The following ALDH2 variants were observed in gnomAD, a reference collection of about 807,000 sequenced individuals.
The protein encoded by ALDH2 is aldehyde dehydrogenase, mitochondrial.
A neutral mutation model predicts 59.6 loss-of-function variants in ALDH2; 44 were observed. The observed-to-expected ratio is 0.74, with a 90% CI of 0.58 to 0.95. The LOEUF (loss-of-function observed/expected upper bound fraction) is 0.95, where lower values mean the gene tolerates loss of function less well. Among genes scored for constraint, ALDH2 ranks in the 40% least tolerant of loss-of-function variants. The pLI, the probability that ALDH2 is intolerant of heterozygous loss-of-function variation, is 0.00. For missense variants in ALDH2, 570 were observed against 696.3 expected (o/e 0.82, Z 2.04); for synonymous variants, 291 against 284.0 (o/e 1.02, Z -0.25).
In ALDH2 at chr12:111,789,889, C is replaced by T. The variant is rs747670612; in HGVS notation, c.507C>T (p.Ser169=). Residue 169 remains serine, a synonymous_variant, in exon 5 of 13, where the codon AGC becomes AGT. Transcript: ENST00000261733. ...KTIPIDGDFF[S]YTRHEPVGVC... ...TCCCCATTGACGGAGACTTCTTCAG[C>T]TACACACGCCATGAACCTGTGGGGG... 1 of 1,614,224 alleles carries T rather than the reference C, an allele frequency of 6.2e-7. No individual in the cohort carries two copies. The highest frequency in any genetic ancestry group is 8.5e-7 in the Non-Finnish European group (1 of 1,180,048).
chr12:111,773,164 C>T (rs1341954376), intron 1 of ALDH2, among the ~76,000 whole-genome samples: 6 of 152,070 alleles, frequency 3.9e-5, no homozygotes, highest in Non-Finnish European at 7.4e-5. Context: ...ACAGGAGAAA[C>T]GCTTGAACCC....
intron 9 of ALDH2, among the ~76,000 whole-genome samples, chr12:111,794,330 G>A (rs187025036): frequency 3.4e-4 from 52 of 151,394 alleles, no homozygotes; most frequent in East Asian, 3.3e-3. Context: ...TCTTTTTATT[G>A]TCTCTATAGT....
chr12:111,790,556 C>G lies in ALDH2; in HGVS notation c.675C>G (p.Ile225Met), dbSNP rs777018900. ...PLTALYVANL[I>M]KEAGFPPGVV... ...CCGCCCTCTATGTGGCCAACCTGAT[C>G]AAGGAGGTGCGTGGCTTATCCTGGT... The change falls in exon 6 of 13, where the codon ATC becomes ATG. Residue 225 changes from isoleucine (I) to methionine (M), a missense_variant. By Grantham distance (10) the Ile-to-Met change is conservative. Transcript: ENST00000261733. The G allele has an allele frequency of 6.2e-7, 1 of 1,614,116 alleles. No homozygotes were observed. The highest frequency in any genetic ancestry group is 1.3e-5 in the African/African-American group (1 of 75,022).
chr12:111,781,115 GAAA>G (rs948470523), intron 1 of ALDH2, among the ~76,000 whole-genome samples: 1 of 151,274 alleles, frequency 6.6e-6, no homozygotes. Context: ...TCTCAAAAAA[GAAA>G]AAAAACAATA....
chr12:111,802,663 G>C (rs1237134206), intron 11 of ALDH2, among the ~76,000 whole-genome samples: 1 of 151,374 alleles, frequency 6.6e-6, no homozygotes, highest in Non-Finnish European at 1.5e-5. Context: ...GGCGGATCAC[G>C]AGGTCAGAAG....
intron 1 of ALDH2, chr12:111,775,712 G>A (rs989224593): frequency 4.4e-5 from 20 of 455,366 alleles, no homozygotes; most frequent in East Asian, 3.5e-4. Context: ...GAGCGTTTAC[G>A]TGTGTTATGT....
chr12:111,770,732 C>T (rs1179180014), intron 1 of ALDH2, among the ~76,000 whole-genome samples: 1 of 152,118 alleles, frequency 6.6e-6, no homozygotes, highest in African/African-American at 2.4e-5. Flanking sequence ...CTAACCTCCA[C>T]CTCCTGGGTT....
intron 1 of ALDH2, among the ~76,000 whole-genome samples, chr12:111,774,163 G>T (rs1313079036): frequency 6.6e-6 from 1 of 152,142 alleles, no homozygotes; most frequent in African/African-American, 2.4e-5. Flanking sequence ...AAGGCCCTGG[G>T]GTGGGGGAGT....
In ALDH2 at chr12:111,767,091, A is replaced by G; in HGVS notation, c.109A>G (p.Asn37Asp). The G allele has an allele frequency of 6.6e-7, 1 of 1,506,462 alleles. No individual in the cohort carries two copies. The highest frequency in any genetic ancestry group is 8.8e-7 in the Non-Finnish European group (1 of 1,134,348). 93.3% of individuals were successfully genotyped at this position (1,506,462 alleles called of 1,614,324 possible). A position where few individuals can be genotyped will look rare whatever the true frequency, so the allele number is the denominator to read the frequency against. The change falls in exon 1 of 13, where the codon AAC becomes GAC. Residue 37 changes from asparagine (N) to aspartate (D), a missense_variant. Physicochemically the swap from Asn to Asp is conservative, Grantham distance 23 (BLOSUM62 1). Coordinates refer to ENST00000261733, the MANE Select transcript of ALDH2 (RefSeq NM_000690.4). ...APNQQPEVFC[N>D]QIFINNEWHD... is the part of the protein sequence containing the mutation. The stretch of plus-strand genomic sequence containing the variant: ...CAACCAGCAGCCCGAGGTCTTCTGC[A>G]ACCAGGTGAGCCCACCGGCCGGGCT...
chr12:111,807,090 C>T (rs1299838276), intron 12 of ALDH2, among the ~76,000 whole-genome samples: 1 of 151,810 alleles, frequency 6.6e-6, no homozygotes, highest in Non-Finnish European at 1.5e-5. Flanking sequence ...GGTGAAACCC[C>T]ATCTCTACTA....
intron 11 of ALDH2, 121 bp from the exon 12 acceptor site, chr12:111,803,736 CAA>C: frequency 4.0e-6 from 2 of 496,506 alleles, no homozygotes; most frequent in South Asian, 5.9e-5. Context: ...GATTCTATCT[CAA>C]AAAAAAAAAT....
intron 9 of ALDH2, 145 bp from the exon 10 acceptor site, chr12:111,797,933 C>G (rs2068418172): frequency 9.0e-6 from 8 of 887,690 alleles, no homozygotes; most frequent in Non-Finnish European, 1.4e-5. Flanking sequence ...CTGCTATTGG[C>G]CCTGTGTGTT....
In ALDH2 at chr12:111,811,203, G is replaced by T. The variant is rs1476353163; in HGVS notation, c.*1628G>T. On this transcript the variant is annotated 3_prime_UTR_variant, in exon 13 of 13. Coordinates refer to ENST00000261733, the MANE Select transcript of ALDH2 (RefSeq NM_000690.4). ...AATACAAAAAAAAAAAAAAAAACTAGCCGGGCATGGTGGCTCATGCCTGTA... is the reference window on the plus strand; with the variant it reads ...AATACAAAAAAAAAAAAAAAAACTATCCGGGCATGGTGGCTCATGCCTGTA... The T allele has an allele frequency of 4.7e-5, 7 of 149,344 alleles. 1 individual carries two copies. In the South Asian group the frequency reaches 8.5e-4, roughly 18 times the overall value. 9.3% of individuals were successfully genotyped at this position (149,344 alleles called of 1,614,324 possible).
intron 10 of ALDH2, among the ~76,000 whole-genome samples, chr12:111,798,993 A>C (rs917440423): frequency 6.2e-4 from 93 of 149,534 alleles, no homozygotes; most frequent in African/African-American, 2.1e-3. Context: ...TAGGCAACAG[A>C]GCGGGACTCT....
chr12:111,777,264 A>G (rs2068240401), intron 1 of ALDH2, among the ~76,000 whole-genome samples: 1 of 152,122 alleles, frequency 6.6e-6, no homozygotes, highest in Non-Finnish European at 1.5e-5. Context: ...TAGGTTTGCT[A>G]TGAGGTTTAA....
chr12:111,781,530 G>C (rs1269657272), intron 1 of ALDH2, among the ~76,000 whole-genome samples: 1 of 152,174 alleles, frequency 6.6e-6, no homozygotes, highest in African/African-American at 2.4e-5. Context: ...GGCCCCAGCT[G>C]TCCTCACACT....
At position 111,810,605 on chromosome 12, in the gene ALDH2, ATTT is replaced by A. The variant is rs911026675; in HGVS notation, c.*1048_*1050del. 10 of 137,598 alleles carry A rather than the reference ATTT, an allele frequency of 7.3e-5. No homozygotes were observed. Among genetic ancestry groups the A allele is most frequent in the South Asian group, 2.3e-4 (1 of 4,282 alleles). The allele number at this position is 137,598 out of a possible 1,614,324, so 8.5% of individuals were successfully genotyped here. On this transcript the variant is annotated 3_prime_UTR_variant, in exon 13 of 13. Coordinates refer to ENST00000261733, the MANE Select transcript of ALDH2 (RefSeq NM_000690.4). ...GATACTGAATGTCCAATGTTCTCAA[ATTT>A]TTTTTTTTTTTTTTTTTGAGACAGG...
At chr12:111,802,438 G>A (rs554568102) in intron 11 of ALDH2, among the ~76,000 whole-genome samples, 16 of 151,198 alleles carry the variant, frequency 1.1e-4, no homozygotes, top group East Asian at 3.9e-4. Flanking sequence ...AAAATTAGCC[G>A]GGCGCAGTGG....
chr12:111,791,246 T>C, intron 6 of ALDH2, 60 bp from the exon 7 acceptor site: 4 of 1,300,544 alleles, frequency 3.1e-6, no homozygotes, highest in Non-Finnish European at 4.4e-6. Flanking sequence ...TGTCTTCCCC[T>C]GGTTGAGCCC....
Sources: gnomAD v4.1 joint callset for allele counts (sites outside exome capture counted in the v4.1 genomes callset) on GRCh38, gnomAD v4.1.1 for gene constraint, MANE v1.5 for transcripts, NCBI Gene and HGNC (gene_info 2026-07-23, HGNC 2026-07-21) for gene names.